Variants in SNX29 observed in about 807,000 individuals in gnomAD.
SNX29 encodes the protein sorting nexin-29.
In SNX29, 78 loss-of-function variants were observed where a neutral mutation model predicts 102.1. The ratio of observed to expected loss-of-function variants is 0.76; its 90% CI spans 0.64 to 0.92. The LOEUF (loss-of-function observed/expected upper bound fraction) is 0.92, where lower values mean the gene tolerates loss of function less well. Ranked by LOEUF, SNX29 falls within the 40% of genes least tolerant of loss-of-function variation. SNX29 has a pLI of 0.00. For synonymous variants in SNX29, 580 were observed against 414.5 expected (o/e 1.40, Z -4.85); for missense variants, 1,280 against 1,061.7 (o/e 1.21, Z -2.86).
intron 15 of SNX29, among the ~76,000 whole-genome samples, chr16:12,314,479 A>G (rs549349254): frequency 1.3e-5 from 2 of 152,200 alleles, no homozygotes; most frequent in Non-Finnish European, 2.9e-5. Flanking sequence ...CGAGTTCCCT[A>G]GCCTTTCTCT....
intron 20 of SNX29, among the ~76,000 whole-genome samples, chr16:12,562,972 G>GCAAAGGAACT (rs67252428): frequency 7.1e-5 from 6 of 84,136 alleles, no homozygotes; most frequent in African/African-American, 3.8e-4. Context: ...CACAAGGGGT[G>GCAAAGGAACT]AGGGCTGATG....
chr16:12,469,324 G>A (rs1485072553), intron 18 of SNX29, among the ~76,000 whole-genome samples: 2 of 152,222 alleles, frequency 1.3e-5, no homozygotes, highest in Non-Finnish European at 2.9e-5. Context: ...TGTTCTAGCA[G>A]TGAGGACACT....
intron 19 of SNX29, among the ~76,000 whole-genome samples, chr16:12,484,015 C>T (rs1321053398): frequency 1.3e-5 from 2 of 152,218 alleles, no homozygotes; most frequent in South Asian, 4.1e-4. Flanking sequence ...TGACATTGTT[C>T]AGCGGGACTG....
chr16:12,557,147 TCA>T (rs771137834), intron 20 of SNX29, among the ~76,000 whole-genome samples: 3 of 152,034 alleles, frequency 2.0e-5, no homozygotes, highest in Non-Finnish European at 4.4e-5. Flanking sequence ...CTGCCCCTGG[TCA>T]CAATTTCCAT....
intron 20 of SNX29, among the ~76,000 whole-genome samples, chr16:12,539,737 G>A (rs1234378927): frequency 3.3e-5 from 5 of 152,236 alleles, no homozygotes; most frequent in African/African-American, 9.6e-5. Flanking sequence ...TCACAAGGAT[G>A]CAGAATATTT....
In SNX29 at chr16:12,129,693, C is replaced by G. The variant is rs769196640; in HGVS notation, c.1530C>G (p.Asp510Glu). 3 of 1,610,992 alleles carry G rather than the reference C, an allele frequency of 1.9e-6. No homozygotes were observed. Among genetic ancestry groups the G allele is most frequent in the Non-Finnish European group, 2.5e-6 (3 of 1,179,520 alleles). ...EHSAALRQEV[D>E]TLKRKVAEQE... ...CAGCCGCGCTCCGGCAAGAGGTGGA[C>G]ACCTTGAAAAGGAAGGTGGCTGAAC... is the stretch of plus-strand genomic sequence containing the variant. Residue 510 changes from aspartate (D) to glutamate (E), a missense_variant, in exon 13 of 21, where the codon GAC becomes GAG. Coordinates refer to ENST00000566228, the MANE Select transcript of SNX29 (RefSeq NM_032167.5).
rs751540938 is a variant in SNX29, at chr16:12,356,278, C to T, written c.1898C>T (p.Pro633Leu). ...MRQELIDLRGPVPGDLSQTSE... is the reference protein window; with the variant it reads ...MRQELIDLRGLVPGDLSQTSE... ...CAGGAGCTCATCGATCTCCGGGGAC[C>T]GGTGAGTGTTTCCCCAACCCTGTGT... Residue 633 changes from proline to leucine, a missense_variant and splice_region_variant, in exon 16 of 21, where the codon CCG (proline) becomes CTG (leucine). Physicochemically the swap from Pro to Leu is moderately conservative, Grantham distance 98. Coordinates refer to ENST00000566228, the MANE Select transcript of SNX29 (RefSeq NM_032167.5). The T allele has an allele frequency of 1.6e-5, 25 of 1,596,730 alleles. No homozygotes were observed. Among genetic ancestry groups the T allele is most frequent in the East Asian group, 1.4e-4 (6 of 43,978 alleles).
chr16:12,208,330 G>A (rs1174074232), intron 14 of SNX29, among the ~76,000 whole-genome samples: 2 of 152,206 alleles, frequency 1.3e-5, no homozygotes, highest in South Asian at 2.1e-4. Context: ...TCCCTGCTGG[G>A]GCACTCAGAG....
chr16:12,468,523 C>G (rs1031806388), intron 18 of SNX29, among the ~76,000 whole-genome samples: 3 of 152,004 alleles, frequency 2.0e-5, no homozygotes, highest in African/African-American at 4.8e-5. Flanking sequence ...CAACCCCACT[C>G]CCAGGCGTGG....
chr16:12,393,629 AG>A (rs1309803993), intron 16 of SNX29, among the ~76,000 whole-genome samples: 2 of 152,184 alleles, frequency 1.3e-5, no homozygotes, highest in Non-Finnish European at 2.9e-5. Flanking sequence ...GACACTGTTT[AG>A]TTCTGGTGGT....
At chr16:12,483,474 C>T (rs951013165) in intron 19 of SNX29, among the ~76,000 whole-genome samples, 12 of 151,720 alleles carry the variant, frequency 7.9e-5, no homozygotes, top group African/African-American at 2.2e-4. Context: ...TGTGCCACCA[C>T]GCCTGGTAAT....
chr16:11,995,801 C>T (rs932228358), intron 1 of SNX29, among the ~76,000 whole-genome samples: 2 of 152,140 alleles, frequency 1.3e-5, no homozygotes, highest in Admixed American at 6.6e-5. Flanking sequence ...GTGGCTCACA[C>T]CTGTAATCCC....
At chr16:12,318,964 G>C (rs1057004245) in intron 15 of SNX29, among the ~76,000 whole-genome samples, 2 of 152,060 alleles carry the variant, frequency 1.3e-5, no homozygotes, top group African/African-American at 4.8e-5. Flanking sequence ...CCCTTATCTT[G>C]TCTCCTGCTA....
rs115778066 is a variant in SNX29, at chr16:12,543,454, G to A, written c.2318+18613G>A. ...GTGGGCAAACATATGTTCATGCTGC[G>A]GGGTCTGGTGAACAGCTGTCAGTAA... On this transcript the variant is annotated intron_variant, in intron 20 of 20. Transcript: ENST00000566228. Among the ~76,000 whole-genome samples, 508 of 152,286 alleles carry A rather than the reference G, an allele frequency of 3.3e-3. 5 individuals carry two copies. Among genetic ancestry groups the A allele is most frequent in the African/African-American group, 0.011 (453 of 41,558 alleles).
At chr16:12,481,393 T>TAC (rs1202331846) in intron 19 of SNX29, among the ~76,000 whole-genome samples, 33 of 146,484 alleles carry the variant, frequency 2.3e-4, no homozygotes, top group African/African-American at 8.1e-4. Context: ...TATATATATA[T>TAC]ATACACACAC....
intron 18 of SNX29, among the ~76,000 whole-genome samples, chr16:12,462,104 C>T (rs2086831315): frequency 6.8e-6 from 1 of 147,396 alleles, no homozygotes; most frequent in African/African-American, 2.5e-5. Context: ...ACACCCTGAA[C>T]ACCCTGGGCC....
chr16:12,145,842 C>G (rs1453655856), intron 13 of SNX29, among the ~76,000 whole-genome samples: 1 of 152,170 alleles, frequency 6.6e-6, no homozygotes, highest in Non-Finnish European at 1.5e-5. Context: ...TTTTTCTTAA[C>G]CATTTTTTTC....
chr16:12,341,087 G>A (rs2081598241), intron 15 of SNX29, among the ~76,000 whole-genome samples: 1 of 152,068 alleles, frequency 6.6e-6, no homozygotes, highest in Non-Finnish European at 1.5e-5. Context: ...TGTCTGGCCT[G>A]TGGAACGCAT....
intron 1 of SNX29, among the ~76,000 whole-genome samples, chr16:11,979,872 C>G (rs184386106): frequency 2.5e-4 from 38 of 152,252 alleles, no homozygotes; most frequent in Admixed American, 2.0e-3. Flanking sequence ...GAACTCCTGG[C>G]TTCATATGAT....
Sources: allele counts gnomAD v4.1 joint callset (sites outside exome capture counted in the v4.1 genomes callset), GRCh38; gene constraint gnomAD v4.1.1; transcripts MANE v1.5; gene names NCBI Gene and HGNC (gene_info 2026-07-23, HGNC 2026-07-21).